Variants in SCNN1B observed in about 807,000 individuals in gnomAD.
SCNN1B encodes the protein sodium channel epithelial 1 subunit beta, also known as epithelial sodium channel subunit beta.
SCNN1B carries 46 observed loss-of-function variants against 65.3 expected under a neutral mutation model. That is an observed-to-expected ratio of 0.70 (90% CI 0.56 to 0.90). SCNN1B has a LOEUF of 0.90. Among genes scored for constraint, SCNN1B ranks in the 40% least tolerant of loss-of-function variants. The probability of loss-of-function intolerance (pLI) is 0.00; values close to 1 mark genes in which losing one functional copy is unlikely to be tolerated. For synonymous variants in SCNN1B, 349 were observed against 330.6 expected (o/e 1.06, Z -0.60); for missense variants, 751 against 830.5 (o/e 0.90, Z 1.18).
intron 1 of SCNN1B, among the ~76,000 whole-genome samples, chr16:23,317,910 G>C (rs1961506679): frequency 6.6e-6 from 1 of 152,224 alleles, no homozygotes; most frequent in Non-Finnish European, 1.5e-5. Context: ...TCTTGGAGTT[G>C]TATAGGGCAC....
rs374264520 is a variant in SCNN1B, at chr16:23,371,336, C to T, written c.918C>T (p.Tyr306=). ...TCCTGGACATAGGCCAGGAAGACTA[C>T]GTCCCCTTCCTTGCGTCCACGGCCG... ...KLILDIGQED[Y]VPFLASTAGV... is the part of the protein sequence containing the mutation. The change falls in exon 6 of 13, where the codon TAC becomes TAT. Residue 306 remains tyrosine, a synonymous_variant. Transcript: ENST00000343070. 6.6e-5 allele frequency: 107 copies of T among 1,614,026 alleles called. No individual in the cohort carries two copies. The highest frequency in any genetic ancestry group is 1.7e-4 in the Admixed American group (10 of 59,998).
intron 1 of SCNN1B, among the ~76,000 whole-genome samples, chr16:23,328,500 C>T (rs1484145541): frequency 2.0e-5 from 3 of 152,182 alleles, no homozygotes; most frequent in Non-Finnish European, 4.4e-5. Flanking sequence ...AGAAAGACAG[C>T]CAGCAATCTT....
chr16:23,370,650 A>G (rs1168753374), intron 5 of SCNN1B, among the ~76,000 whole-genome samples: 2 of 152,234 alleles, frequency 1.3e-5, no homozygotes, highest in African/African-American at 4.8e-5. Context: ...AGGAAAGTGT[A>G]CAACCAAGAC....
intron 4 of SCNN1B, among the ~76,000 whole-genome samples, chr16:23,363,075 G>T (rs72774370): frequency 1.3e-5 from 2 of 152,030 alleles, no homozygotes; most frequent in Non-Finnish European, 2.9e-5. Context: ...TCCCTGACTC[G>T]CTCCCCACTC....
At chr16:23,297,877 T>C (rs1364543398), upstream of SCNN1B, among the ~76,000 whole-genome samples, 1 of 152,144 alleles carries the variant, frequency 6.6e-6, no homozygotes, top group Non-Finnish European at 1.5e-5. Context: ...TGCAGTTACC[T>C]GAAGTAGAAT....
At chr16:23,309,816 C>A (rs1467003763) in intron 1 of SCNN1B, among the ~76,000 whole-genome samples, 1 of 152,224 alleles carries the variant, frequency 6.6e-6, no homozygotes, top group African/African-American at 2.4e-5. Flanking sequence ...TCAATCCAAT[C>A]AAGTTGACAC....
At position 23,351,546 on chromosome 16, in the gene SCNN1B, G is replaced by A. The variant is rs139411421; in HGVS notation, c.312-1255G>A. On this transcript the variant is annotated intron_variant, in intron 2 of 12. Coordinates refer to ENST00000343070, the MANE Select transcript of SCNN1B (RefSeq NM_000336.3). ...CAGGGAACTGGCATCGAAGGCCAACGTTAGCTCTGGCTGCTGTACACCTTT... is the reference window on the plus strand; with the variant it reads ...CAGGGAACTGGCATCGAAGGCCAACATTAGCTCTGGCTGCTGTACACCTTT... 6.2e-4 allele frequency among the ~76,000 whole-genome samples: 95 copies of A among 152,318 alleles called. 1 individual carries two copies. The highest frequency in any genetic ancestry group is 1.0e-3 in the Non-Finnish European group (71 of 68,032).
chr16:23,325,096 C>T (rs2141997036), intron 1 of SCNN1B, among the ~76,000 whole-genome samples: 1 of 152,304 alleles, frequency 6.6e-6, no homozygotes, highest in African/African-American at 2.4e-5. Flanking sequence ...CCAGGAAATG[C>T]AAGCTCTGGT....
intron 2 of SCNN1B, among the ~76,000 whole-genome samples, chr16:23,293,142 A>AAAAAAAAAAAAAAAT (rs1960950950): frequency 6.8e-6 from 1 of 147,756 alleles, no homozygotes; most frequent in Non-Finnish European, 1.5e-5. Flanking sequence ...AAAAAAAAAA[A>AAAAAAAAAAAAAAAT]GTGAGACTTA....
chr16:23,350,811 G>A (rs1489844114), intron 2 of SCNN1B, among the ~76,000 whole-genome samples: 1 of 152,174 alleles, frequency 6.6e-6, no homozygotes, highest in Non-Finnish European at 1.5e-5. Flanking sequence ...TACTCAGGAG[G>A]CTGAGGCAGG....
chr16:23,293,437 T>G (rs141405422), intron 2 of SCNN1B, among the ~76,000 whole-genome samples: 2 of 152,190 alleles, frequency 1.3e-5, no homozygotes, highest in African/African-American at 2.4e-5. Context: ...ACGAGTTTGA[T>G]TCCACTTATA....
chr16:23,331,325 CTTTT>C (rs112461468), intron 1 of SCNN1B, among the ~76,000 whole-genome samples: 1 of 138,174 alleles, frequency 7.2e-6, no homozygotes. Context: ...TTCCTAGTCA[CTTTT>C]TTTTTTTTTT....
intron 4 of SCNN1B, among the ~76,000 whole-genome samples, chr16:23,364,366 A>G (rs1173565568): frequency 1.3e-5 from 2 of 152,186 alleles, no homozygotes; most frequent in Non-Finnish European, 2.9e-5. Flanking sequence ...AGCTGGTTAG[A>G]GAATATTCCA....
chr16:23,335,086 CCTGA>C (rs1467243863), intron 1 of SCNN1B, among the ~76,000 whole-genome samples: 2 of 152,246 alleles, frequency 1.3e-5, no homozygotes, highest in East Asian at 1.9e-4. Flanking sequence ...AGATTCATTG[CCTGA>C]CTGTTTTGTT....
At chr16:23,376,923 T>C (rs1962910172) in intron 8 of SCNN1B, among the ~76,000 whole-genome samples, 1 of 152,084 alleles carries the variant, frequency 6.6e-6, no homozygotes, top group Admixed American at 6.5e-5. Context: ...CAGGCAGGGA[T>C]GGGGATGGCC....
In SCNN1B at chr16:23,293,114, CAAAAAAAAAAAAAA is replaced by C. The variant is rs1191618996; in HGVS notation, n.178+9325_178+9338del. 2.0e-4 allele frequency among the ~76,000 whole-genome samples: 7 copies of C among 34,180 alleles called. No homozygotes were observed. The East Asian group carries it at 9.0e-3, about 44-fold the overall frequency. The allele number at this position is 34,180 out of a possible 152,430, so 22.4% of individuals were successfully genotyped here. Reference sequence around the variant, plus strand: ...TGGGCAATACAGGGAGACTCATTCTCAAAAAAAAAAAAAAAAAAAAAAAAAAAAGTGAGACTTAC... The same window carrying C: ...TGGGCAATACAGGGAGACTCATTCTCAAAAAAAAAAAAAAGTGAGACTTAC... On this transcript the variant is annotated intron_variant and non_coding_transcript_variant, in intron 2 of 3. Transcript: ENST00000569789.
chr16:23,300,768 G>A (rs1198792084), upstream of SCNN1B, among the ~76,000 whole-genome samples: 1 of 152,232 alleles, frequency 6.6e-6, no homozygotes, highest in South Asian at 2.1e-4. Context: ...AGAGTTTGAG[G>A]CTGCAGGGGT....
chr16:23,381,202 C>T lies in SCNN1B; in HGVS notation c.*401C>T. 3.6e-6 allele frequency: 1 copy of T among 277,662 alleles called. No homozygotes were observed. The highest frequency in any genetic ancestry group is 7.0e-6 in the Non-Finnish European group (1 of 143,612). The allele number at this position is 277,662 out of a possible 1,614,324, so 17.2% of individuals were successfully genotyped here. A position where few individuals can be genotyped will look rare whatever the true frequency, so the allele number is the denominator to read the frequency against. On this transcript the variant is annotated 3_prime_UTR_variant, in exon 13 of 13. Coordinates refer to ENST00000343070, the MANE Select transcript of SCNN1B (RefSeq NM_000336.3). Reference sequence around the variant, plus strand: ...TCCTGGCCTTGGCTGGCCTCTGGGGCAGGGGTGGTGGAGAGATGGAAGGGC... The same window carrying T: ...TCCTGGCCTTGGCTGGCCTCTGGGGTAGGGGTGGTGGAGAGATGGAAGGGC...
intron 4 of SCNN1B, among the ~76,000 whole-genome samples, chr16:23,366,105 C>T (rs867037994): frequency 4.6e-5 from 7 of 152,358 alleles, no homozygotes; most frequent in Middle Eastern, 3.4e-3. Context: ...GAGCATAAGG[C>T]TTCAAAGACA....
Sources: gnomAD v4.1 joint callset for allele counts (sites outside exome capture counted in the v4.1 genomes callset) on GRCh38, gnomAD v4.1.1 for gene constraint, MANE v1.5 for transcripts, NCBI Gene and HGNC (gene_info 2026-07-23, HGNC 2026-07-21) for gene names.